The following CEP20 variants were observed in gnomAD, a reference collection of about 807,000 sequenced individuals.
CEP20 encodes FGFR1OP N-terminal like.
In CEP20, 18 loss-of-function variants were observed where a neutral mutation model predicts 20.0. The observed-to-expected ratio is 0.90, with a 90% CI of 0.62 to 1.34. CEP20 has a LOEUF of 1.34. CEP20 is among the 40% of genes most tolerant of loss of function. The pLI is 0.00. For missense variants in CEP20, 215 were observed against 201.6 expected, an observed-to-expected ratio of 1.07 and a Z score of -0.40; for synonymous variants, 77 against 73.7, an observed-to-expected ratio of 1.04 and a Z score of -0.23.
In CEP20 at chr16:15,884,202, A is replaced by G. The variant is rs1271486598; in HGVS notation, c.32T>C (p.Leu11Ser). The G allele has an allele frequency of 6.2e-6, 10 of 1,601,452 alleles. No individual in the cohort carries two copies. Among genetic ancestry groups the G allele is most frequent in the Non-Finnish European group, 8.5e-6 (10 of 1,171,548 alleles). MATVAELKAV[L>S]KDTLEKKGVL... ...CCCCTTTTTTTCCAAGGTGTCCTTT[A>G]AAACTGTTCGATATAAAATATTAAG... Residue 11 changes from leucine to serine, a missense_variant, in exon 2 of 5, where the codon TTA (leucine) becomes TCA (serine). Leu to Ser is a moderately radical substitution (Grantham distance 145). Coordinates refer to ENST00000255759, the MANE Select transcript of CEP20 (RefSeq NM_144600.4).
In CEP20 at chr16:15,888,530, ATGTGGAGGCCT is replaced by A. The variant is rs2045301491; in HGVS notation, c.28+17_28+27del. The A allele has an allele frequency of 6.2e-7, 1 of 1,613,772 alleles. No homozygotes were observed. The highest frequency in any genetic ancestry group is 1.3e-5 in the African/African-American group (1 of 74,876). ...ACAAGATGAAGGCCCGACGCTTCCC[ATGTGGAGGCCT>A]CCCTGCTCGCACTCACCAGCCTTCA... On this transcript the variant is annotated intron_variant, in intron 1 of 4. Coordinates refer to ENST00000255759, the MANE Select transcript of CEP20 (RefSeq NM_144600.4).
At position 15,888,355 on chromosome 16, in the gene CEP20, G is replaced by A. The variant is rs187340829; in HGVS notation, c.28+203C>T. ...TTAGCTCCAAACTGGCTTAAAACTC[G>A]CCAGTGGGCAACCTCTTCCCCATAA... On this transcript the variant is annotated intron_variant, in intron 1 of 4. Coordinates refer to ENST00000255759, the MANE Select transcript of CEP20 (RefSeq NM_144600.4). 7.2e-5 allele frequency among the ~76,000 whole-genome samples: 11 copies of A among 152,204 alleles called. No individual in the cohort carries two copies. In the East Asian group the frequency reaches 2.1e-3, roughly 29 times the overall value.
chr16:15,874,704 C>T (rs2044901619), intron 3 of CEP20, among the ~76,000 whole-genome samples: 2 of 152,076 alleles, frequency 1.3e-5, no homozygotes, highest in South Asian at 4.1e-4. Flanking sequence ...AGATATGTAT[C>T]TATTTACTAG....
At chr16:15,871,235 G>A (rs1042461695) in intron 4 of CEP20, among the ~76,000 whole-genome samples, 2 of 151,776 alleles carry the variant, frequency 1.3e-5, no homozygotes, top group African/African-American at 4.8e-5. Flanking sequence ...CAGCCTGGGT[G>A]ACAGAGTGAC....
intron 4 of CEP20, among the ~76,000 whole-genome samples, chr16:15,871,891 G>C (rs1379937263): frequency 6.6e-6 from 1 of 152,136 alleles, no homozygotes; most frequent in Non-Finnish European, 1.5e-5. Flanking sequence ...AGCAGTTTAG[G>C]AAACTACAAA....
intron 3 of CEP20, 138 bp from the exon 4 acceptor site, chr16:15,873,765 C>A: frequency 3.1e-6 from 3 of 980,970 alleles, no homozygotes; most frequent in Non-Finnish European, 2.8e-6. Context: ...TAAAAAGCGG[C>A]ATGATTATCC....
chr16:15,878,498 CTTTT>C (rs11290804), intron 3 of CEP20, among the ~76,000 whole-genome samples: 2 of 139,798 alleles, frequency 1.4e-5, no homozygotes, highest in Non-Finnish European at 3.1e-5. Flanking sequence ...ACTTTCAGAA[CTTTT>C]TTTTTTTTTT....
At chr16:15,878,402 T>C (rs1356572834) in intron 3 of CEP20, among the ~76,000 whole-genome samples, 1 of 152,200 alleles carries the variant, frequency 6.6e-6, no homozygotes, top group East Asian at 1.9e-4. Flanking sequence ...TATATGATCC[T>C]GGAACATTAA....
At chr16:15,872,481 G>A (rs2044845741) in intron 4 of CEP20, among the ~76,000 whole-genome samples, 1 of 152,056 alleles carries the variant, frequency 6.6e-6, no homozygotes, top group African/African-American at 2.4e-5. Context: ...AGGCTGAGGT[G>A]GGAAATCACT....
chr16:15,879,009 G>T (rs1243775820), intron 3 of CEP20, among the ~76,000 whole-genome samples: 1 of 149,076 alleles, frequency 6.7e-6, no homozygotes, highest in Admixed American at 6.7e-5. Flanking sequence ...GGTCTCCTAT[G>T]TACTTTTTTT....
Position 15,888,161 on chromosome 16 carries a change from A to G in CEP20, c.28+397T>C, listed in dbSNP as rs2045291590. Among the ~76,000 whole-genome samples the G allele has an allele frequency of 4.6e-5, 7 of 151,302 alleles. No individual in the cohort carries two copies. In the South Asian group the frequency reaches 1.5e-3, roughly 32 times the overall value. ...AACGAGACAACCAAGCAAATTGTTT[A>G]GGGCAGTGCCTAACCCAATAGGGGT... On this transcript the variant is annotated intron_variant, in intron 1 of 4. Coordinates refer to ENST00000255759, the MANE Select transcript of CEP20 (RefSeq NM_144600.4).
chr16:15,867,509 G>C lies in CEP20; in HGVS notation c.456C>G (p.His152Gln). 2 of 1,602,518 alleles carry C rather than the reference G, an allele frequency of 1.2e-6. No homozygotes were observed. The highest frequency in any genetic ancestry group is 1.7e-6 in the Non-Finnish European group (2 of 1,172,804). Residue 152 changes from histidine to glutamine, a missense_variant, in exon 5 of 5, where the codon CAC (histidine) becomes CAG (glutamine). His to Gln is a conservative substitution (Grantham distance 24). Coordinates refer to ENST00000255759, the MANE Select transcript of CEP20 (RefSeq NM_144600.4). Reference sequence around the variant, plus strand: ...TACTTTTCTGTTCCTCCTTTCTTAGGTGGTCATCTGAAATGCACAGAAACC... The same window carrying C: ...TACTTTTCTGTTCCTCCTTTCTTAGCTGGTCATCTGAAATGCACAGAAACC... The part of the protein sequence containing the change: ...QPSRRKPMDD[H>Q]LRKEEQKSTN...
chr16:15,888,436 A>G lies in CEP20; in HGVS notation c.28+122T>C, dbSNP rs141020913. 3.3e-3 allele frequency: 4,351 copies of G among 1,332,820 alleles called. 88 individuals are homozygous for G. In the African/African-American group the frequency reaches 0.038, roughly 12 times the overall value. 82.6% of individuals were successfully genotyped at this position (1,332,820 alleles called of 1,614,324 possible). On this transcript the variant is annotated intron_variant, in intron 1 of 4. Transcript: ENST00000255759. ...CCAGACGCTCCCCGCAGGCCCTCACACCGAAGAATGACGCCTGTAAAAGCC... is the reference window on the plus strand; with the variant it reads ...CCAGACGCTCCCCGCAGGCCCTCACGCCGAAGAATGACGCCTGTAAAAGCC...
At chr16:15,871,961 G>A (rs2044830112) in intron 4 of CEP20, among the ~76,000 whole-genome samples, 1 of 152,144 alleles carries the variant, frequency 6.6e-6, no homozygotes. Context: ...CAACATTCAA[G>A]ATTTACATTT....
chr16:15,868,533 T>C (rs973443794), intron 4 of CEP20, among the ~76,000 whole-genome samples: 1 of 152,192 alleles, frequency 6.6e-6, no homozygotes, highest in East Asian at 1.9e-4. Flanking sequence ...CTACAACTGA[T>C]AAAACATCTT....
In CEP20 at chr16:15,866,643, G is replaced by A. The variant is rs1385794106; in HGVS notation, c.*797C>T. ...GTGATTGCACAACCGAGGGCCACAC[G>A]GAGATTAAACAATGCCATCTTTGAA... On this transcript the variant is annotated 3_prime_UTR_variant, in exon 5 of 5. Coordinates refer to ENST00000255759, the MANE Select transcript of CEP20 (RefSeq NM_144600.4). 1 of 152,156 alleles carries A rather than the reference G, an allele frequency of 6.6e-6. No individual in the cohort carries two copies. Among genetic ancestry groups the A allele is most frequent in the East Asian group, 1.9e-4 (1 of 5,194 alleles). 9.4% of individuals were successfully genotyped at this position (152,156 alleles called of 1,614,324 possible).
At chr16:15,885,165 G>A (rs945972866) in intron 1 of CEP20, 3 of 151,502 alleles carry the variant, frequency 2.0e-5, no homozygotes, top group Admixed American at 1.3e-4. Context: ...AAAATTAGCC[G>A]GGTGTGGTGG....
At chr16:15,888,093 A>G (rs986228691) in intron 1 of CEP20, among the ~76,000 whole-genome samples, 1 of 139,840 alleles carries the variant, frequency 7.2e-6, no homozygotes, top group African/African-American at 2.7e-5. Context: ...AAAAAAAAAA[A>G]GCAAGGAGGG....
At chr16:15,888,487 T>A (rs1385082612) in intron 1 of CEP20, 71 bp downstream of exon 1, 1 of 1,602,298 alleles carries the variant, frequency 6.2e-7, no homozygotes, top group East Asian at 2.2e-5. Context: ...CGCGCTCTCC[T>A]CCCATCCCAT....
Sources: gnomAD v4.1 joint callset for allele counts (sites outside exome capture counted in the v4.1 genomes callset) on GRCh38, gnomAD v4.1.1 for gene constraint, MANE v1.5 for transcripts, NCBI Gene and HGNC (gene_info 2026-07-23, HGNC 2026-07-21) for gene names.